The following KDM4B variants were observed in gnomAD, a reference collection of about 807,000 sequenced individuals.
KDM4B encodes the protein lysine-specific demethylase 4B.
Under a neutral mutation model 125.2 loss-of-function variants are expected in KDM4B, and 32 were observed. The observed-to-expected ratio is 0.26, with a 90% CI of 0.19 to 0.34. The LOEUF is 0.34. KDM4B is among the 10% of genes least tolerant of loss of function. The probability of loss-of-function intolerance (pLI) is 1.00; values close to 1 mark genes in which losing one functional copy is unlikely to be tolerated. For synonymous variants in KDM4B, 721 were observed against 677.9 expected, an observed-to-expected ratio of 1.06 and a Z score of -0.99; for missense variants, 1,190 against 1,577.7, an observed-to-expected ratio of 0.75 and a Z score of 4.16.
Position 5,047,484 on chromosome 19 carries a change from C to T in KDM4B, c.441C>T (p.Ala147=). 2 of 1,608,584 alleles carry T rather than the reference C, an allele frequency of 1.2e-6. No homozygotes were observed. The highest frequency in any genetic ancestry group is 1.7e-6 in the Non-Finnish European group (2 of 1,176,752). ...ISGSLYDDDV[A]QWNIGSLRTI... is the part of the protein sequence containing the mutation. ...GCTCTGCCGCCCCACAGGACGTGGC[C>T]CAGTGGAACATCGGGAGCCTCCGGA... The change falls in exon 6 of 23, where the codon GCC becomes GCT. Residue 147 remains alanine (A), a synonymous_variant. Coordinates refer to ENST00000159111, the MANE Select transcript of KDM4B (RefSeq NM_015015.3).
chr19:5,112,147 G>GA (rs1486155207), intron 10 of KDM4B: 1 of 294,540 alleles, frequency 3.4e-6, no homozygotes, highest in Non-Finnish European at 6.5e-6. Context: ...CAACTACTGA[G>GA]AAGGCTGAGG....
At chr19:4,985,289 G>C (rs197152) in intron 1 of KDM4B, among the ~76,000 whole-genome samples, 3 of 152,094 alleles carry the variant, frequency 2.0e-5, no homozygotes, top group South Asian at 2.1e-4. Flanking sequence ...GCGCCATTGC[G>C]CTCCAGCCTG....
intron 10 of KDM4B, chr19:5,119,251 A>G: frequency 1.4e-6 from 2 of 1,405,158 alleles, no homozygotes; most frequent in Non-Finnish European, 1.9e-6. Context: ...TTTGTCGTCT[A>G]GGCATTTTCC....
intron 2 of KDM4B, among the ~76,000 whole-genome samples, chr19:5,023,706 A>G (rs1228982728): frequency 6.8e-6 from 1 of 147,484 alleles, no homozygotes; most frequent in African/African-American, 2.5e-5. Flanking sequence ...CACACTTCCT[A>G]CCCACAGAGG....
At chr19:5,087,180 G>A (rs983961596) in intron 9 of KDM4B, among the ~76,000 whole-genome samples, 5 of 152,266 alleles carry the variant, frequency 3.3e-5, no homozygotes, top group Admixed American at 6.5e-5. Context: ...GTGGGCACAC[G>A]GAGGCCATTG....
chr19:5,034,646 G>A (rs774852864), intron 3 of KDM4B, among the ~76,000 whole-genome samples: 1 of 152,118 alleles, frequency 6.6e-6, no homozygotes, highest in Non-Finnish European at 1.5e-5. Context: ...TGCCTTTCCG[G>A]GCCGCCTCCA....
chr19:5,113,299 C>T (rs1206469014), intron 10 of KDM4B: 2 of 151,710 alleles, frequency 1.3e-5, no homozygotes, highest in African/African-American at 4.8e-5. Context: ...ATATAATTTT[C>T]TTGAAAGCCT....
rs139327621 is a variant in KDM4B at position 5,073,768 on chromosome 19, G to T, written c.676+2709G>T. Among the ~76,000 whole-genome samples the T allele has an allele frequency of 2.3e-3, 344 of 152,280 alleles. 1 individual carries two copies. The highest frequency in any genetic ancestry group is 0.01 in the Middle Eastern group (3 of 294). On this transcript the variant is annotated intron_variant, in intron 7 of 22. Coordinates refer to ENST00000159111, the MANE Select transcript of KDM4B (RefSeq NM_015015.3). ...AGGGCTCAGTGCCTGGGCTGGGTGA[G>T]GGGGAGCCAGGGAAGAATTAGTTCT... is the stretch of plus-strand genomic sequence containing the variant.
chr19:5,053,506 C>T (rs2037297887), intron 6 of KDM4B, among the ~76,000 whole-genome samples: 1 of 152,188 alleles, frequency 6.6e-6, no homozygotes, highest in Non-Finnish European at 1.5e-5. Flanking sequence ...GATAAGGTGT[C>T]AGGAGCCAAG....
At chr19:5,072,918 C>T (rs1478642003) in intron 7 of KDM4B, among the ~76,000 whole-genome samples, 3 of 152,124 alleles carry the variant, frequency 2.0e-5, no homozygotes, top group Admixed American at 2.0e-4. Context: ...TTCTGCCTTC[C>T]CTTCTCCAGC....
chr19:5,095,162 C>T (rs947568225), intron 9 of KDM4B, among the ~76,000 whole-genome samples: 2 of 152,292 alleles, frequency 1.3e-5, no homozygotes, highest in Middle Eastern at 3.4e-3. Context: ...TGTCTGTCAC[C>T]GTCGGCTGTA....
In KDM4B at chr19:5,135,507, G is replaced by A; in HGVS notation, c.2254G>A (p.Asp752Asn). ...GCCTGCCAACTCCTACATCGGCGAC[G>A]ACGGGACCAGCCCCCTGATCGCCTG... ...PLPANSYIGD[D>N]GTSPLIACGK... The change falls in exon 15 of 23, where the codon GAC becomes AAC. Residue 752 changes from aspartate to asparagine, a missense_variant. Asp to Asn is a conservative substitution (Grantham distance 23, BLOSUM62 1). Around this residue, in one of 7 missense-constraint regions of KDM4B, gnomAD observed 298 missense variants for 439.7 expected, o/e 0.68. Transcript: ENST00000159111. 1.2e-6 allele frequency: 2 copies of A among 1,611,306 alleles called. No individual in the cohort carries two copies. Among genetic ancestry groups the A allele is most frequent in the Non-Finnish European group, 1.7e-6 (2 of 1,179,406 alleles).
intron 10 of KDM4B, among the ~76,000 whole-genome samples, chr19:5,116,839 G>T (rs2039265902): frequency 6.6e-6 from 1 of 152,218 alleles, no homozygotes; most frequent in Non-Finnish European, 1.5e-5. Context: ...GACGGTGGCA[G>T]GTGCAGGGAG....
intron 1 of KDM4B, among the ~76,000 whole-genome samples, chr19:5,003,506 C>CAAAT (rs368354950): frequency 7.3e-5 from 9 of 123,880 alleles, no homozygotes; most frequent in African/African-American, 2.1e-4. Context: ...AACAAACAAA[C>CAAAT]AAATAAATAA....
chr19:4,980,576 A>G (rs1251530714), intron 1 of KDM4B, among the ~76,000 whole-genome samples: 1 of 151,650 alleles, frequency 6.6e-6, no homozygotes, highest in East Asian at 1.9e-4. Context: ...GGCACCTGCC[A>G]CCACACCCGG....
At chr19:5,061,866 A>G (rs2037610480) in intron 6 of KDM4B, among the ~76,000 whole-genome samples, 1 of 151,688 alleles carries the variant, frequency 6.6e-6, no homozygotes, top group Non-Finnish European at 1.5e-5. Flanking sequence ...AAAAACAACA[A>G]CAAAAAAAAA....
chr19:4,970,865 C>T (rs546398559), intron 1 of KDM4B, among the ~76,000 whole-genome samples: 10 of 152,156 alleles, frequency 6.6e-5, no homozygotes, highest in Admixed American at 1.3e-4. Flanking sequence ...TTGCCAGCCT[C>T]GTCTCCGTGT....
At chr19:5,130,803 A>G (rs1397825844) in intron 11 of KDM4B, among the ~76,000 whole-genome samples, 3 of 152,290 alleles carry the variant, frequency 2.0e-5, no homozygotes, top group East Asian at 3.9e-4. Flanking sequence ...ATAGAGCAAC[A>G]CCTGGTGGGT....
chr19:5,001,413 C>G (rs932692614), intron 1 of KDM4B, among the ~76,000 whole-genome samples: 1 of 152,208 alleles, frequency 6.6e-6, no homozygotes, highest in Non-Finnish European at 1.5e-5. Context: ...CCAGGGAGCT[C>G]TTCCTGGCTC....
Sources: gnomAD v4.1 joint callset for allele counts (sites outside exome capture counted in the v4.1 genomes callset) on GRCh38, gnomAD v4.1.1 for gene constraint, gnomAD v4.1.1 regional missense constraint, MANE v1.5 for transcripts, NCBI Gene and HGNC (gene_info 2026-07-23, HGNC 2026-07-21) for gene names.